PRKN: variants seen among roughly 807,000 people sequenced by gnomAD.
The protein encoded by PRKN is E3 ubiquitin-protein ligase parkin.
In PRKN, 56 loss-of-function variants were observed where a neutral mutation model predicts 59.5. That is an observed-to-expected ratio of 0.94 (90% CI 0.76 to 1.18). The LOEUF (loss-of-function observed/expected upper bound fraction) is 1.18, where lower values mean the gene tolerates loss of function less well. Among genes scored for constraint, PRKN ranks in the 50% most tolerant of loss-of-function variants. The pLI is 0.00. For synonymous variants in PRKN, 250 were observed against 222.1 expected, an observed-to-expected ratio of 1.13 and a Z score of -1.12; for missense variants, 657 against 596.4, an observed-to-expected ratio of 1.10 and a Z score of -1.06.
In PRKN at chr6:162,056,775, A is replaced by C. The variant is rs1777884065; in HGVS notation, c.535-2601T>G. Among the ~76,000 whole-genome samples, 1 of 152,156 alleles carries C rather than the reference A, an allele frequency of 6.6e-6. No individual in the cohort carries two copies. The stretch of plus-strand genomic sequence containing the variant: ...CCTCGGCAAGGCTGGAATTTTGATA[A>C]GCCCCAGGCAGAGGTGTCTGCATGA... On this transcript the variant is annotated intron_variant, in intron 4 of 11. Coordinates refer to ENST00000366898, the MANE Select transcript of PRKN (RefSeq NM_004562.3). This position sits in a 1 kb window ranked among gnomAD's most constrained non-coding sequence, Gnocchi z 4.9.
At chr6:162,020,332 C>CAA (rs771141235) in intron 5 of PRKN, among the ~76,000 whole-genome samples, 1,697 of 45,402 alleles carry the variant, frequency 0.037, 202 homozygotes, top group Non-Finnish European at 0.058. Flanking sequence ...ACCAATGAAT[C>CAA]AAAAAAAAAA....
At chr6:161,710,853 C>T (rs1786712738) in intron 7 of PRKN, among the ~76,000 whole-genome samples, 1 of 54,060 alleles carries the variant, frequency 1.8e-5, no homozygotes, top group African/African-American at 5.2e-5. Flanking sequence ...TCCTTCTTCC[C>T]TTCCCTTCCC....
At chr6:162,029,027 G>A (rs540634332) in intron 5 of PRKN, among the ~76,000 whole-genome samples, 1 of 152,272 alleles carries the variant, frequency 6.6e-6, no homozygotes, top group South Asian at 2.1e-4. Flanking sequence ...ATATGTCATT[G>A]GAAGTTTAGC....
chr6:161,454,869 A>G lies in PRKN; in HGVS notation c.1084-67992T>C, dbSNP rs1789893347. On this transcript the variant is annotated intron_variant, in intron 9 of 11. Transcript: ENST00000366898. This position sits in a 1 kb window ranked among gnomAD's most constrained non-coding sequence, Gnocchi z 4.6. ...CTAGCCTGTCTAAAGTCATCCTTCC[A>G]CTCCCCCAGTTGTCTCAGTTTCTCT... 1.3e-5 allele frequency among the ~76,000 whole-genome samples: 2 copies of G among 150,044 alleles called. No homozygotes were observed. Among genetic ancestry groups the G allele is most frequent in the African/African-American group, 4.9e-5 (2 of 40,606 alleles).
At chr6:161,681,308 CAA>C (rs748060987) in intron 7 of PRKN, among the ~76,000 whole-genome samples, 98 of 152,134 alleles carry the variant, frequency 6.4e-4, no homozygotes, top group Non-Finnish European at 1.2e-3. Context: ...GGCCAAAATG[CAA>C]AAGACGTATT....
chr6:162,606,080 G>T (rs1005693838), intron 1 of PRKN, among the ~76,000 whole-genome samples: 3 of 152,106 alleles, frequency 2.0e-5, no homozygotes, highest in Admixed American at 6.6e-5. Flanking sequence ...AGATCAATGT[G>T]CCTACAATGA....
intron 2 of PRKN, chr6:162,270,631 A>G (rs1780338375): frequency 6.6e-6 from 1 of 152,228 alleles, no homozygotes; most frequent in Non-Finnish European, 1.5e-5. Flanking sequence ...CTATCTAGAA[A>G]AGGAATACAA....
intron 5 of PRKN, among the ~76,000 whole-genome samples, chr6:161,989,416 G>A (rs1380836279): frequency 6.6e-6 from 1 of 152,074 alleles, no homozygotes; most frequent in Admixed American, 6.5e-5. Context: ...TGGGAGCCTG[G>A]GGGTCAACCT....
At chr6:161,681,319 T>C (rs9346875) in intron 7 of PRKN, among the ~76,000 whole-genome samples, 58,607 of 152,088 alleles carry the variant, frequency 0.39, 13,450 homozygotes, top group East Asian at 0.62. Context: ...AAAAGACGTA[T>C]TTTTGTCAGC....
chr6:162,009,849 T>A (rs776237693), intron 5 of PRKN, among the ~76,000 whole-genome samples: 66 of 151,706 alleles, frequency 4.4e-4, no homozygotes, highest in Non-Finnish European at 7.4e-4. Flanking sequence ...GGCATGATAA[T>A]CATTTGAACC....
At chr6:162,329,103 T>A (rs1476449879) in intron 2 of PRKN, among the ~76,000 whole-genome samples, 4 of 152,204 alleles carry the variant, frequency 2.6e-5, no homozygotes, top group African/African-American at 9.7e-5. Flanking sequence ...TTCCTAAATA[T>A]AATGGCTAAC....
At chr6:161,697,281 T>A (rs1786061643) in intron 7 of PRKN, among the ~76,000 whole-genome samples, 1 of 152,162 alleles carries the variant, frequency 6.6e-6, no homozygotes, top group Non-Finnish European at 1.5e-5. Flanking sequence ...ATCTCTAACT[T>A]TTAGGAGAGA....
intron 3 of PRKN, among the ~76,000 whole-genome samples, chr6:162,204,383 C>T (rs577335089): frequency 1.3e-5 from 2 of 152,282 alleles, no homozygotes; most frequent in African/African-American, 4.8e-5. Context: ...GGATGAAGCA[C>T]AGGACATCTC....
intron 9 of PRKN, among the ~76,000 whole-genome samples, chr6:161,464,770 C>T (rs1790374729): frequency 6.6e-6 from 1 of 152,224 alleles, no homozygotes; most frequent in African/African-American, 2.4e-5. Flanking sequence ...CAAATTCTGA[C>T]ATACAGGCCC....
At chr6:162,390,396 T>TATATATATATATATATACAC (rs1180636201) in intron 2 of PRKN, among the ~76,000 whole-genome samples, 99 of 84,086 alleles carry the variant, frequency 1.2e-3, no homozygotes, top group South Asian at 2.5e-3. Context: ...TATATATATA[T>TATATATATATATATATACAC]ACACACACAC....
chr6:162,668,637 A>C (rs1779199068), intron 1 of PRKN, among the ~76,000 whole-genome samples: 1 of 152,188 alleles, frequency 6.6e-6, no homozygotes, highest in Admixed American at 6.5e-5. Context: ...CACAGTGACA[A>C]ACAGCCACTC....
chr6:161,674,173 G>C lies in PRKN; in HGVS notation c.872-104757C>G, dbSNP rs144520907. On this transcript the variant is annotated intron_variant, in intron 7 of 11. Coordinates refer to ENST00000366898, the MANE Select transcript of PRKN (RefSeq NM_004562.3). ...AATCACAACGTTTAGACTGAGTTCT[G>C]GGCTGGGAGTTAAAGAAGAACCACA... 5.9e-3 allele frequency among the ~76,000 whole-genome samples: 902 copies of C among 152,192 alleles called. 7 individuals are homozygous for C. The highest frequency in any genetic ancestry group is 0.021 in the African/African-American group (866 of 41,532).
At chr6:162,019,196 G>T (rs891769325) in intron 5 of PRKN, among the ~76,000 whole-genome samples, 3 of 152,096 alleles carry the variant, frequency 2.0e-5, no homozygotes, top group African/African-American at 7.2e-5. Flanking sequence ...GACCAACAAG[G>T]TTATTCATGA....
At chr6:162,052,152 T>C (rs545860864) in intron 5 of PRKN, among the ~76,000 whole-genome samples, 27 of 152,304 alleles carry the variant, frequency 1.8e-4, no homozygotes, top group Admixed American at 9.8e-4. Flanking sequence ...TATTATGTTC[T>C]GGCTGCATTT....
Sources: gnomAD v4.1 joint callset for allele counts (sites outside exome capture counted in the v4.1 genomes callset) on GRCh38, gnomAD v4.1.1 for gene constraint, Gnocchi (gnomAD v3.1) non-coding constraint, MANE v1.5 for transcripts, NCBI Gene and HGNC (gene_info 2026-07-23, HGNC 2026-07-21) for gene names.